Variants in SDK1 observed in about 807,000 individuals in gnomAD.
The protein encoded by SDK1 is sidekick cell adhesion molecule 1, also known as protein sidekick-1.
SDK1 carries 157 observed loss-of-function variants against 245.5 expected under a neutral mutation model. That is an observed-to-expected ratio of 0.64 (90% CI 0.56 to 0.73). The LOEUF (loss-of-function observed/expected upper bound fraction) is 0.73. Among genes scored for constraint, SDK1 ranks in the 30% least tolerant of loss-of-function variants. SDK1 has a pLI of 0.00. For synonymous variants in SDK1, 1,647 were observed against 1,278.5 expected (o/e 1.29, Z -6.15); for missense variants, 3,583 against 3,002.3 (o/e 1.19, Z -4.52).
chr7:4,113,965 C>T (rs1783524045), intron 24 of SDK1, 72 bp from the exon 25 acceptor site: 2 of 1,299,390 alleles, frequency 1.5e-6, no homozygotes, highest in South Asian at 1.3e-5. Flanking sequence ...ACAGGGCAGG[C>T]CCATCCCTTA....
At chr7:3,662,541 A>G (rs1188273477) in intron 4 of SDK1, among the ~76,000 whole-genome samples, 1 of 152,180 alleles carries the variant, frequency 6.6e-6, no homozygotes, top group East Asian at 1.9e-4. Flanking sequence ...GTCTTCCTGG[A>G]GGTCCAGAGA....
intron 4 of SDK1, among the ~76,000 whole-genome samples, chr7:3,698,752 G>C (rs1952253430): frequency 1.3e-5 from 2 of 152,206 alleles, no homozygotes; most frequent in South Asian, 4.2e-4. Flanking sequence ...GGCAGGTAGA[G>C]AGAGAGAACA....
intron 38 of SDK1, 61 bp from the exon 39 acceptor site, chr7:4,220,048 C>G (rs1164367352): frequency 1.3e-6 from 2 of 1,565,956 alleles, no homozygotes; most frequent in South Asian, 1.2e-5. Flanking sequence ...ACAGAACAGA[C>G]AGTGGACAGT....
rs539047083 is a variant in SDK1 at position 3,402,006 on chromosome 7, G to C, written c.298+100122G>C. 5.9e-5 allele frequency among the ~76,000 whole-genome samples: 9 copies of C among 152,280 alleles called. No homozygotes were observed. The South Asian group carries it at 1.9e-3, about 32-fold the overall frequency. The stretch of plus-strand genomic sequence containing the variant: ...AACACCTGCTGAATATGTACCTTGA[G>C]CTAGCTATTGTGGGAGATATAAAAG... On this transcript the variant is annotated intron_variant, in intron 1 of 44. Transcript: ENST00000404826.
chr7:3,312,218 A>G (rs1779567227), intron 1 of SDK1, among the ~76,000 whole-genome samples: 1 of 152,178 alleles, frequency 6.6e-6, no homozygotes, highest in Non-Finnish European at 1.5e-5. Context: ...TTAGCATAAA[A>G]TCTGGTCTAG....
chr7:3,696,558 A>C (rs1044882370), intron 4 of SDK1, among the ~76,000 whole-genome samples: 2 of 122,726 alleles, frequency 1.6e-5, no homozygotes, highest in Non-Finnish European at 3.4e-5. Context: ...CACAGAGCTT[A>C]CATTTCTCTG....
chr7:3,330,140 C>T (rs1780033214), intron 1 of SDK1, among the ~76,000 whole-genome samples: 1 of 152,004 alleles, frequency 6.6e-6, no homozygotes, highest in African/African-American at 2.4e-5. Context: ...TTTCTGGTGT[C>T]TGTGAATAAT....
chr7:3,414,326 C>G (rs1309141016), intron 1 of SDK1, among the ~76,000 whole-genome samples: 1 of 151,986 alleles, frequency 6.6e-6, no homozygotes, highest in Non-Finnish European at 1.5e-5. Context: ...TTGGCCCAGC[C>G]CACGGAGGAG....
intron 8 of SDK1, among the ~76,000 whole-genome samples, chr7:3,959,965 T>C (rs546966653): frequency 9.1e-4 from 139 of 152,270 alleles, no homozygotes; most frequent in African/African-American, 3.2e-3. Context: ...CAAGGCAGTT[T>C]CGTTAAGAAA....
chr7:3,657,222 G>C (rs2099302), intron 4 of SDK1, among the ~76,000 whole-genome samples: 2 of 152,132 alleles, frequency 1.3e-5, no homozygotes, highest in Non-Finnish European at 2.9e-5. Flanking sequence ...CCATGAGGAG[G>C]CTGTAAACTG....
At chr7:3,833,845 G>A (rs1465000321) in intron 5 of SDK1, among the ~76,000 whole-genome samples, 1 of 152,212 alleles carries the variant, frequency 6.6e-6, no homozygotes, top group East Asian at 1.9e-4. Context: ...CTAGGAAGCA[G>A]TTCTACTTGA....
At chr7:3,632,931 C>G (rs904727241) in intron 2 of SDK1, among the ~76,000 whole-genome samples, 8 of 152,020 alleles carry the variant, frequency 5.3e-5, no homozygotes, top group Non-Finnish European at 8.8e-5. Flanking sequence ...TAGACTCATC[C>G]CACTTTGGAT....
rs1366534458 is a variant in SDK1, at chr7:4,127,366, A to G, written c.3824-15A>G. ...TAGATTTTGGATGCTAATCTACTTC[A>G]TTGGTTCTTTGCAGTTCCTTCAGCC... On this transcript the variant is annotated splice_polypyrimidine_tract_variant and intron_variant, in intron 25 of 44. Coordinates refer to ENST00000404826, the MANE Select transcript of SDK1 (RefSeq NM_152744.4). 34 of 1,601,336 alleles carry G rather than the reference A, an allele frequency of 2.1e-5. No individual in the cohort carries two copies. Among genetic ancestry groups the G allele is most frequent in the Non-Finnish European group, 2.8e-5 (33 of 1,168,456 alleles).
intron 7 of SDK1, among the ~76,000 whole-genome samples, chr7:3,953,169 G>T (rs1162180815): frequency 7.9e-6 from 1 of 125,948 alleles, no homozygotes; most frequent in African/African-American, 2.8e-5. Context: ...TGCAAAATAA[G>T]GAAAAAAAAA....
At chr7:3,737,002 A>G (rs1018045468) in intron 4 of SDK1, among the ~76,000 whole-genome samples, 3 of 152,202 alleles carry the variant, frequency 2.0e-5, no homozygotes, top group South Asian at 2.1e-4. Flanking sequence ...TAGATTTCAC[A>G]TATAAGTGAG....
chr7:4,127,487 G>A lies in SDK1; in HGVS notation c.3930G>A (p.Leu1310=). The A allele has an allele frequency of 6.2e-7, 1 of 1,612,546 alleles. No homozygotes were observed. The highest frequency in any genetic ancestry group is 8.5e-7 in the Non-Finnish European group (1 of 1,178,520). Residue 1310 remains leucine, a synonymous_variant, in exon 26 of 45, where the codon CTG becomes CTA. Coordinates refer to ENST00000404826, the MANE Select transcript of SDK1 (RefSeq NM_152744.4). ...AACAGGACCAGAATGGGCTCATACTGGGCTACAAGGTGTGTGATCACAGGA... is the reference window on the plus strand; with the variant it reads ...AACAGGACCAGAATGGGCTCATACTAGGCTACAAGGTGTGTGATCACAGGA... ...VPEQDQNGLI[L]GYKILFRAKD... is the part of the protein sequence containing the mutation.
intron 4 of SDK1, among the ~76,000 whole-genome samples, chr7:3,670,287 G>C (rs1022166908): frequency 2.6e-5 from 4 of 152,098 alleles, no homozygotes; most frequent in Non-Finnish European, 5.9e-5. Context: ...GTGTAATTCA[G>C]TTCCTTCCCT....
chr7:3,642,258 T>C (rs1782674190), intron 4 of SDK1, among the ~76,000 whole-genome samples, 153 bp downstream of exon 4: 1 of 152,230 alleles, frequency 6.6e-6, no homozygotes, highest in South Asian at 2.1e-4. Context: ...AAACAGCTAT[T>C]TGAGGACTGG....
chr7:3,899,014 T>G (rs1302942636), intron 5 of SDK1, among the ~76,000 whole-genome samples: 1 of 152,210 alleles, frequency 6.6e-6, no homozygotes, highest in South Asian at 2.1e-4. Context: ...TCTACCTCAT[T>G]TTATTATCGT....
Sources: gnomAD v4.1 joint callset for allele counts (sites outside exome capture counted in the v4.1 genomes callset) on GRCh38, gnomAD v4.1.1 for gene constraint, MANE v1.5 for transcripts, NCBI Gene and HGNC (gene_info 2026-07-23, HGNC 2026-07-21) for gene names.